The following DPYD variants were observed in gnomAD, a reference collection of about 807,000 sequenced individuals.
DPYD encodes the protein dihydropyrimidine dehydrogenase.
In DPYD, 109 loss-of-function variants were observed where a neutral mutation model predicts 116.2. The ratio of observed to expected loss-of-function variants is 0.94; its 90% CI spans 0.80 to 1.10. The LOEUF (loss-of-function observed/expected upper bound fraction) is 1.10. Among genes scored for constraint, DPYD ranks in the 50% least tolerant of loss-of-function variants. DPYD has a pLI of 0.00. For synonymous variants in DPYD, 440 were observed against 432.0 expected (o/e 1.02, Z -0.23); for missense variants, 1,302 against 1,254.5 (o/e 1.04, Z -0.57).
In DPYD at chr1:97,471,404, G is replaced by C. The variant is rs554206362; in HGVS notation, c.1741-21181C>G. Among the ~76,000 whole-genome samples the C allele has an allele frequency of 3.7e-4, 57 of 152,234 alleles. 1 individual carries two copies. Among genetic ancestry groups the C allele is most frequent in the Admixed American group, 3.5e-3 (54 of 15,290 alleles). On this transcript the variant is annotated intron_variant, in intron 13 of 22. Coordinates refer to ENST00000370192, the MANE Select transcript of DPYD (RefSeq NM_000110.4). Reference sequence around the variant, plus strand: ...GATGTTGTGATGGACCAGAGCAATGGACTTACTTTAACAAATTAACATGTA... The same window carrying C: ...GATGTTGTGATGGACCAGAGCAATGCACTTACTTTAACAAATTAACATGTA...
At chr1:97,280,507 A>G (rs1019092217) in intron 18 of DPYD, among the ~76,000 whole-genome samples, 6 of 152,194 alleles carry the variant, frequency 3.9e-5, no homozygotes, top group African/African-American at 9.6e-5. Flanking sequence ...ATGGCCATCT[A>G]TAGATAAATA....
intron 13 of DPYD, among the ~76,000 whole-genome samples, chr1:97,490,257 TCAAGAACAACC>T: frequency 6.6e-6 from 1 of 151,016 alleles, no homozygotes; most frequent in Non-Finnish European, 1.5e-5. Flanking sequence ...AACAGTTTTA[TCAAGAACAACC>T]ATTCTGTCTC....
At chr1:97,841,664 T>C (rs577309746) in intron 2 of DPYD, among the ~76,000 whole-genome samples, 1 of 151,972 alleles carries the variant, frequency 6.6e-6, no homozygotes, top group Admixed American at 6.5e-5. Context: ...CCTGACAGGA[T>C]CATAGAAACA....
At chr1:97,505,199 G>A (rs1024547515) in intron 13 of DPYD, among the ~76,000 whole-genome samples, 26 of 152,116 alleles carry the variant, frequency 1.7e-4, no homozygotes, top group African/African-American at 6.3e-4. Flanking sequence ...GTTGTATTAT[G>A]ATTAACAGTC....
At chr1:97,517,877 T>G (rs1648346185) in intron 12 of DPYD, among the ~76,000 whole-genome samples, 1 of 152,146 alleles carries the variant, frequency 6.6e-6, no homozygotes. Context: ...CTTACAAGTA[T>G]TCTTCTCTTT....
intron 14 of DPYD, among the ~76,000 whole-genome samples, chr1:97,425,401 A>AACAATTATT (rs756261547): frequency 6.6e-6 from 1 of 152,068 alleles, no homozygotes; most frequent in Non-Finnish European, 1.5e-5. Flanking sequence ...AAGTAGACCA[A>AACAATTATT]ACAATTATTA....
At chr1:97,349,957 A>AAT (rs71683290) in intron 16 of DPYD, among the ~76,000 whole-genome samples, 2 of 151,820 alleles carry the variant, frequency 1.3e-5, no homozygotes, top group African/African-American at 4.8e-5. Flanking sequence ...AAAAAAAAAA[A>AAT]AATGCTGCAG....
intron 3 of DPYD, among the ~76,000 whole-genome samples, chr1:97,817,876 C>T (rs1668711535): frequency 1.3e-5 from 2 of 151,958 alleles, no homozygotes; most frequent in Non-Finnish European, 2.9e-5. Flanking sequence ...AAAGCTAATC[C>T]TCACAGTACC....
chr1:97,207,827 T>C (rs76038939), intron 19 of DPYD, among the ~76,000 whole-genome samples: 11,305 of 152,238 alleles, frequency 0.074, 711 homozygotes, highest in East Asian at 0.33. Context: ...TAGAGGTCAG[T>C]CCAGCATTCT....
chr1:97,527,494 A>G (rs1371007527), intron 12 of DPYD, among the ~76,000 whole-genome samples: 1 of 152,218 alleles, frequency 6.6e-6, no homozygotes, highest in Non-Finnish European at 1.5e-5. Flanking sequence ...ACATATACAC[A>G]CACATTGAAA....
chr1:97,820,995 G>A (rs907013390), intron 3 of DPYD, among the ~76,000 whole-genome samples: 1 of 151,820 alleles, frequency 6.6e-6, no homozygotes, highest in African/African-American at 2.4e-5. Context: ...CTTTTCTCAA[G>A]TTATTCAATT....
intron 1 of DPYD, among the ~76,000 whole-genome samples, chr1:97,910,526 G>A (rs1188287518): frequency 1.3e-5 from 2 of 152,024 alleles, no homozygotes; most frequent in Non-Finnish European, 2.9e-5. Context: ...ATCCTGTAAT[G>A]TAAGTATGAT....
chr1:97,413,185 C>T (rs1217347254), intron 14 of DPYD, among the ~76,000 whole-genome samples: 2 of 152,134 alleles, frequency 1.3e-5, no homozygotes, highest in Non-Finnish European at 2.9e-5. Context: ...ACTGTAAAGG[C>T]TGAGTGGAAA....
chr1:97,335,021 A>G (rs943250008), intron 16 of DPYD, among the ~76,000 whole-genome samples: 2 of 152,150 alleles, frequency 1.3e-5, no homozygotes, highest in African/African-American at 4.8e-5. Flanking sequence ...AGGTTTTTAA[A>G]AAACGACAGA....
chr1:97,300,016 T>A (rs1424777411), intron 18 of DPYD, among the ~76,000 whole-genome samples: 2 of 152,164 alleles, frequency 1.3e-5, no homozygotes, highest in East Asian at 1.9e-4. Context: ...TAATTTATAA[T>A]AAAATTGTAA....
intron 16 of DPYD, among the ~76,000 whole-genome samples, chr1:97,318,969 T>G (rs942570280): frequency 7.0e-5 from 8 of 115,086 alleles, no homozygotes; most frequent in African/African-American, 2.7e-4. Flanking sequence ...AACAACCTGC[T>G]CCTGAATGAC....
intron 1 of DPYD, among the ~76,000 whole-genome samples, chr1:97,888,475 A>AT (rs200899920): frequency 1.2e-4 from 18 of 149,968 alleles, no homozygotes; most frequent in South Asian, 6.3e-4. Flanking sequence ...TGCCCGATTT[A>AT]TTTTTTTTTT....
intron 16 of DPYD, among the ~76,000 whole-genome samples, chr1:97,322,459 G>A (rs555764834): frequency 3.3e-5 from 5 of 152,056 alleles, no homozygotes; most frequent in Admixed American, 1.3e-4. Flanking sequence ...ACTAAAGTGG[G>A]TGACTTTGGT....
intron 11 of DPYD, among the ~76,000 whole-genome samples, chr1:97,550,073 A>G (rs529353095): frequency 6.6e-6 from 1 of 152,316 alleles, no homozygotes; most frequent in African/African-American, 2.4e-5. Context: ...ACATTTTTCT[A>G]AAACTTTATT....
Sources: allele counts gnomAD v4.1 joint callset (sites outside exome capture counted in the v4.1 genomes callset), GRCh38; gene constraint gnomAD v4.1.1; transcripts MANE v1.5; gene names NCBI Gene and HGNC (gene_info 2026-07-23, HGNC 2026-07-21).